Variants in ARPP21 observed in about 807,000 individuals in gnomAD.
ARPP21 encodes the protein cAMP regulated phosphoprotein 21.
A neutral mutation model predicts 113.2 loss-of-function variants in ARPP21; 69 were observed. That is an observed-to-expected ratio of 0.61 (90% confidence interval 0.50 to 0.74). The LOEUF (loss-of-function observed/expected upper bound fraction) is 0.74, where lower values mean the gene tolerates loss of function less well. ARPP21 is among the 30% of genes least tolerant of loss of function. ARPP21 has a pLI of 0.00. For missense variants in ARPP21, 1,070 were observed against 1,037.4 expected (o/e 1.03, Z -0.43); for synonymous variants, 368 against 375.5 (o/e 0.98, Z 0.23).
At chr3:35,790,827 T>C (rs2096732964) in intron 19 of ARPP21, among the ~76,000 whole-genome samples, 1 of 152,214 alleles carries the variant, frequency 6.6e-6, no homozygotes, top group African/African-American at 2.4e-5. Context: ...TTTAAAATAA[T>C]TCAGTAAATT....
rs1170781655 is a variant in ARPP21, at chr3:35,793,957, G to C, written c.2543G>C (p.Ter848SerextTer16). Residue 848 changes from the stop codon to serine, a stop_lost, in exon 21 of 21, where the codon TGA becomes TCA. Coordinates refer to ENST00000684406, the MANE Select transcript of ARPP21 (RefSeq NM_001385562.1). ...MSNAGWQVKF[*>S] is the part of the protein sequence containing the mutation. Reference sequence around the variant, plus strand: ...AATGCTGGTTGGCAGGTCAAATTCTGAGAGCTCTGGCTGTGGTACATTTCT... The same window carrying C: ...AATGCTGGTTGGCAGGTCAAATTCTCAGAGCTCTGGCTGTGGTACATTTCT... The C allele has an allele frequency of 6.2e-7, 1 of 1,612,272 alleles. No individual in the cohort carries two copies.
chr3:35,694,826 A>T (rs1396486161), intron 9 of ARPP21, among the ~76,000 whole-genome samples: 1 of 150,544 alleles, frequency 6.6e-6, no homozygotes, highest in East Asian at 2.0e-4. Context: ...CTACAACTTG[A>T]TAGGTCTTGC....
chr3:35,766,618 G>A (rs917079537), intron 19 of ARPP21, among the ~76,000 whole-genome samples: 1 of 152,236 alleles, frequency 6.6e-6, no homozygotes, highest in South Asian at 2.1e-4. Flanking sequence ...CGCACCCTTT[G>A]TGGGCAGAGG....
At chr3:35,752,097 A>G (rs114339510) in intron 19 of ARPP21, among the ~76,000 whole-genome samples, 4,052 of 152,188 alleles carry the variant, frequency 0.027, 188 homozygotes, top group African/African-American at 0.089. Flanking sequence ...TGGGGAAGCT[A>G]ACGATGGATG....
In ARPP21 at chr3:35,709,023, A is replaced by G. The variant is rs376694586; in HGVS notation, c.850A>G (p.Arg284Gly). The G allele has an allele frequency of 6.2e-7, 1 of 1,613,720 alleles. No homozygotes were observed. The highest frequency in any genetic ancestry group is 1.3e-5 in the African/African-American group (1 of 74,918). ...CAGACGAAGTAAATCAATTGAAGAG[A>G]GAGAAGAGGAATATCAGAGAGTGAG... Reference protein sequence around the residue: ...DDRRSKSIEEREEEYQRVRER... With the variant: ...DDRRSKSIEEGEEEYQRVRER... The change falls in exon 11 of 21, where the codon AGA (arginine) becomes GGA (glycine). Residue 284 changes from arginine to glycine, a missense_variant. Transcript: ENST00000684406.
At chr3:35,747,437 T>C (rs2095137322) in intron 19 of ARPP21, among the ~76,000 whole-genome samples, 1 of 151,844 alleles carries the variant, frequency 6.6e-6, no homozygotes, top group East Asian at 1.9e-4. Context: ...AAATGATATT[T>C]GGAATTTGTA....
chr3:35,786,212 T>C (rs749417348), intron 19 of ARPP21, among the ~76,000 whole-genome samples: 19 of 152,178 alleles, frequency 1.2e-4, no homozygotes, highest in Non-Finnish European at 2.5e-4. Context: ...GTCTAGTCTA[T>C]ACTGCTTTCT....
intron 1 of ARPP21, chr3:35,641,197 T>A (rs1697954832): frequency 6.6e-6 from 1 of 152,198 alleles, no homozygotes; most frequent in African/African-American, 2.4e-5. Context: ...TAATCTTTGA[T>A]TTCTTTAAGT....
At chr3:35,781,147 A>G (rs762043475) in intron 19 of ARPP21, among the ~76,000 whole-genome samples, 14 of 152,138 alleles carry the variant, frequency 9.2e-5, no homozygotes, top group Middle Eastern at 3.2e-3. Context: ...CTTGTGAGGG[A>G]GCTCCTCTGC....
chr3:35,685,549 A>G (rs1276757812), intron 5 of ARPP21: 1 of 984,778 alleles, frequency 1.0e-6, no homozygotes, highest in Admixed American at 6.2e-5. Flanking sequence ...GAACACTGGC[A>G]GATGTATACA....
chr3:35,740,094 C>G (rs1436174592), intron 18 of ARPP21, among the ~76,000 whole-genome samples: 1 of 152,138 alleles, frequency 6.6e-6, no homozygotes. Flanking sequence ...CTTTTCTCTC[C>G]CTAAGGGGAA....
At chr3:35,658,230 T>A (rs1004561647) in intron 1 of ARPP21, among the ~76,000 whole-genome samples, 1 of 152,046 alleles carries the variant, frequency 6.6e-6, no homozygotes, top group Non-Finnish European at 1.5e-5. Flanking sequence ...TTGAGAACTG[T>A]GTTTGAATAA....
rs543707232 is a variant in ARPP21 at position 35,725,150 on chromosome 3, A to G, written c.1225+3316A>G. Among the ~76,000 whole-genome samples the G allele has an allele frequency of 3.9e-4, 59 of 152,248 alleles. No individual in the cohort carries two copies. The South Asian group carries it at 0.012, about 31-fold the overall frequency. On this transcript the variant is annotated intron_variant, in intron 14 of 20. Coordinates refer to ENST00000684406, the MANE Select transcript of ARPP21 (RefSeq NM_001385562.1). Reference sequence around the variant, plus strand: ...ATTATAGAGGAAATTGGGTGATGTGATTAGGCTCCATGTGCTTGCTAATTG... The same window carrying G: ...ATTATAGAGGAAATTGGGTGATGTGGTTAGGCTCCATGTGCTTGCTAATTG...
chr3:35,678,604 A>G (rs190731988), intron 1 of ARPP21, among the ~76,000 whole-genome samples: 113 of 152,090 alleles, frequency 7.4e-4, no homozygotes, highest in Admixed American at 7.3e-3. Flanking sequence ...TCTTCATAAA[A>G]CATGAATAAA....
At chr3:35,749,927 T>A (rs2095339031) in intron 19 of ARPP21, among the ~76,000 whole-genome samples, 1 of 151,976 alleles carries the variant, frequency 6.6e-6, no homozygotes, top group Admixed American at 6.6e-5. Context: ...CTGGTATAGA[T>A]GATTTTTAAC....
At chr3:35,706,300 A>G (rs1411635788) in intron 9 of ARPP21, among the ~76,000 whole-genome samples, 1 of 152,212 alleles carries the variant, frequency 6.6e-6, no homozygotes, top group Non-Finnish European at 1.5e-5. Context: ...AAGACCTAAA[A>G]AAAATCAATT....
intron 11 of ARPP21, 55 bp from the exon 12 acceptor site, chr3:35,715,384 G>A: frequency 6.9e-7 from 1 of 1,449,254 alleles, no homozygotes; most frequent in Non-Finnish European, 9.7e-7. Flanking sequence ...CAAGTATTTG[G>A]GATCCCTCAG....
rs766392424 is a variant in ARPP21, at chr3:35,743,977, C to A, written c.2137+12C>A. 28 of 1,613,896 alleles carry A rather than the reference C, an allele frequency of 1.7e-5. No individual in the cohort carries two copies. The highest frequency in any genetic ancestry group is 2.1e-5 in the Non-Finnish European group (25 of 1,179,928). On this transcript the variant is annotated intron_variant, in intron 19 of 20. Transcript: ENST00000684406. ...AGCACAGCAAGCAGGTACTTGGAAT[C>A]TGTTTCCCATTTGCTTCTCAACCCA...
rs202100345 is a variant in ARPP21, at chr3:35,729,327, G to C, written c.1250G>C (p.Gly417Ala). ...GGTTCCGAGTCTTCCAGCAGTGCAG[G>C]CTCCTCAGGATCGCTGTCCCGCACC... ...KAGSESSSSA[G>A]SSGSLSRTHP... The change falls in exon 15 of 21, where the codon GGC becomes GCC. Residue 417 changes from glycine (G) to alanine (A), a missense_variant. Gly to Ala is a moderately conservative substitution (Grantham distance 60). Transcript: ENST00000684406. The C allele has an allele frequency of 1.2e-6, 2 of 1,613,924 alleles. No individual in the cohort carries two copies. The highest frequency in any genetic ancestry group is 8.5e-7 in the Non-Finnish European group (1 of 1,179,976).
Sources: allele counts gnomAD v4.1 joint callset (sites outside exome capture counted in the v4.1 genomes callset), GRCh38; gene constraint gnomAD v4.1.1; transcripts MANE v1.5; gene names NCBI Gene and HGNC (gene_info 2026-07-23, HGNC 2026-07-21).